The following DNM3 variants were observed in gnomAD, a reference collection of about 807,000 sequenced individuals.
The protein encoded by DNM3 is dynamin 3.
A neutral mutation model predicts 101.6 loss-of-function variants in DNM3; 47 were observed. That is an observed-to-expected ratio of 0.46 (90% CI 0.37 to 0.59). The LOEUF is 0.59. Ranked by LOEUF, DNM3 falls within the 20% of genes least tolerant of loss-of-function variation. The pLI is 0.00. For synonymous variants in DNM3, 385 were observed against 387.9 expected (o/e 0.99, Z 0.09); for missense variants, 849 against 1,085.7 (o/e 0.78, Z 3.06).
chr1:171,859,057 C>A (rs546906739), intron 1 of DNM3, among the ~76,000 whole-genome samples: 46 of 152,220 alleles, frequency 3.0e-4, no homozygotes, highest in African/African-American at 1.0e-3. Flanking sequence ...TTTTCAGTTC[C>A]TAATGCCAAC....
At chr1:171,867,925 C>T (rs1260932222) in intron 1 of DNM3, among the ~76,000 whole-genome samples, 1 of 146,972 alleles carries the variant, frequency 6.8e-6, no homozygotes, top group Non-Finnish European at 1.5e-5. Context: ...GTTAATTAAA[C>T]TAAGATACTT....
At chr1:172,174,600 G>C (rs1001597705) in intron 14 of DNM3, among the ~76,000 whole-genome samples, 2 of 151,734 alleles carry the variant, frequency 1.3e-5, no homozygotes, top group Admixed American at 6.6e-5. Flanking sequence ...TGTTGTGCTT[G>C]ATGTTTTCTC....
chr1:171,905,448 C>T (rs1347676568), intron 1 of DNM3, among the ~76,000 whole-genome samples: 17 of 152,110 alleles, frequency 1.1e-4, no homozygotes, highest in Non-Finnish European at 1.5e-5. Flanking sequence ...AAATGACTTA[C>T]CTTAAAGAGA....
intron 2 of DNM3, among the ~76,000 whole-genome samples, chr1:171,953,143 A>G (rs541659366): frequency 6.6e-6 from 1 of 152,360 alleles, no homozygotes; most frequent in African/African-American, 2.4e-5. Context: ...GAGGACTAAC[A>G]TCTATGCCCT....
chr1:171,847,262 G>A (rs1178495336), intron 1 of DNM3, among the ~76,000 whole-genome samples: 1 of 152,148 alleles, frequency 6.6e-6, no homozygotes, highest in Admixed American at 6.5e-5. Flanking sequence ...ATTATAGTAT[G>A]TCAATTTATT....
At chr1:172,148,772 T>A (rs73039377) in intron 14 of DNM3, among the ~76,000 whole-genome samples, 2 of 150,358 alleles carry the variant, frequency 1.3e-5, no homozygotes, top group African/African-American at 4.9e-5. Flanking sequence ...TTGTGTAGAT[T>A]AGCACTTTTT....
intron 13 of DNM3, among the ~76,000 whole-genome samples, chr1:172,105,674 T>G (rs535901706): frequency 1.9e-4 from 29 of 152,344 alleles, no homozygotes; most frequent in African/African-American, 7.0e-4. Flanking sequence ...GTGTAAAGCT[T>G]ACAAATTAAT....
intron 17 of DNM3, among the ~76,000 whole-genome samples, chr1:172,327,935 C>T (rs2066006321): frequency 6.6e-6 from 1 of 152,058 alleles, no homozygotes; most frequent in Admixed American, 6.6e-5. Flanking sequence ...ATTGTTAAAG[C>T]CTTATTTTTG....
intron 2 of DNM3, among the ~76,000 whole-genome samples, chr1:171,973,083 A>T (rs1248748062): frequency 6.6e-6 from 1 of 152,208 alleles, no homozygotes; most frequent in Non-Finnish European, 1.5e-5. Context: ...AGGAGATATG[A>T]TTCCTATATT....
chr1:171,968,175 A>T (rs893970156), intron 2 of DNM3, among the ~76,000 whole-genome samples: 2 of 152,220 alleles, frequency 1.3e-5, no homozygotes, highest in African/African-American at 4.8e-5. Flanking sequence ...CTCTGTTGTG[A>T]GTTCAAAGTA....
intron 2 of DNM3, among the ~76,000 whole-genome samples, chr1:171,980,706 A>G (rs1467389762): frequency 6.6e-6 from 1 of 151,394 alleles, no homozygotes; most frequent in East Asian, 1.9e-4. Flanking sequence ...AACATGGAGT[A>G]TTTATTGGAA....
chr1:172,307,181 AG>A (rs1289236345), intron 15 of DNM3, among the ~76,000 whole-genome samples: 1 of 152,176 alleles, frequency 6.6e-6, no homozygotes, highest in East Asian at 1.9e-4. Context: ...AAATTTTACC[AG>A]AAAAAATAAA....
At chr1:172,274,324 G>A (rs1256177076) in intron 15 of DNM3, among the ~76,000 whole-genome samples, 6 of 152,004 alleles carry the variant, frequency 3.9e-5, no homozygotes, top group Non-Finnish European at 8.8e-5. Context: ...GATTGAAAGG[G>A]GATGAAGATG....
At chr1:172,173,631 CA>C (rs1220653629) in intron 14 of DNM3, among the ~76,000 whole-genome samples, 1 of 151,100 alleles carries the variant, frequency 6.6e-6, no homozygotes, top group Non-Finnish European at 1.5e-5. Context: ...TTGAAGTCCC[CA>C]AATGAATCAG....
At chr1:172,225,643 T>A (rs1248925028) in intron 14 of DNM3, among the ~76,000 whole-genome samples, 1 of 152,000 alleles carries the variant, frequency 6.6e-6, no homozygotes, top group African/African-American at 2.4e-5. Flanking sequence ...CATTAACAAG[T>A]TGGTAACATG....
chr1:172,369,646 G>A (rs1484112432), intron 17 of DNM3, among the ~76,000 whole-genome samples: 1 of 151,840 alleles, frequency 6.6e-6, no homozygotes, highest in Non-Finnish European at 1.5e-5. Flanking sequence ...AAGAAATGTG[G>A]CTAGTTCCAG....
intron 14 of DNM3, among the ~76,000 whole-genome samples, chr1:172,158,092 G>T (rs1448560332): frequency 6.6e-6 from 1 of 151,986 alleles, no homozygotes; most frequent in Admixed American, 6.6e-5. Context: ...AAGTAGCATG[G>T]TTAAGAAAGG....
chr1:171,849,887 T>C (rs996831242), intron 1 of DNM3, among the ~76,000 whole-genome samples: 4 of 152,222 alleles, frequency 2.6e-5, no homozygotes, highest in African/African-American at 9.6e-5. Context: ...ATGAACAAAA[T>C]AGACTTAATA....
chr1:172,308,927 A>G (rs1435075119), intron 16 of DNM3, 88 bp downstream of exon 16: 1 of 673,150 alleles, frequency 1.5e-6, no homozygotes, highest in Non-Finnish European at 2.3e-6. Context: ...TGGAGAAACT[A>G]GTTTTCTTAC....
Sources: allele counts gnomAD v4.1 joint callset (sites outside exome capture counted in the v4.1 genomes callset), GRCh38; gene constraint gnomAD v4.1.1; transcripts MANE v1.5; gene names NCBI Gene and HGNC (gene_info 2026-07-23, HGNC 2026-07-21).